LRGUK: variants seen among roughly 807,000 people sequenced by gnomAD.
LRGUK encodes the protein leucine-rich repeat and guanylate kinase domain-containing protein.
Under a neutral mutation model 76.0 loss-of-function variants are expected in LRGUK, and 65 were observed. The ratio of observed to expected loss-of-function variants is 0.85; its 90% CI spans 0.70 to 1.05. The LOEUF (loss-of-function observed/expected upper bound fraction) is 1.05, where lower values mean the gene tolerates loss of function less well. Ranked by LOEUF, LRGUK falls within the 50% of genes least tolerant of loss-of-function variation. The pLI is 0.00. For synonymous variants in LRGUK, 268 were observed against 265.6 expected, an observed-to-expected ratio of 1.01 and a Z score of -0.09; for missense variants, 758 against 732.8, an observed-to-expected ratio of 1.03 and a Z score of -0.40.
At chr7:134,224,922 C>T (rs372120265) in intron 16 of LRGUK, among the ~76,000 whole-genome samples, 13 of 151,604 alleles carry the variant, frequency 8.6e-5, no homozygotes, top group African/African-American at 2.7e-4. Context: ...TGTAGTGGCT[C>T]GCGCTTGTGG....
At chr7:134,188,895 G>T (rs139197510) in intron 11 of LRGUK, among the ~76,000 whole-genome samples, 1 of 152,190 alleles carries the variant, frequency 6.6e-6, no homozygotes, top group East Asian at 1.9e-4. Flanking sequence ...ATCTGCATGC[G>T]TCTGAATGAC....
intron 15 of LRGUK, among the ~76,000 whole-genome samples, chr7:134,203,734 G>GC (rs1800884694): frequency 6.6e-6 from 1 of 152,164 alleles, no homozygotes; most frequent in South Asian, 2.1e-4. Context: ...TAGATTGGGA[G>GC]CATGTCAGTG....
At chr7:134,218,440 A>G (rs1435947150) in intron 15 of LRGUK, among the ~76,000 whole-genome samples, 1 of 152,160 alleles carries the variant, frequency 6.6e-6, no homozygotes, top group Non-Finnish European at 1.5e-5. Flanking sequence ...AATCAGTCAT[A>G]TTTTTGGACA....
intron 15 of LRGUK, among the ~76,000 whole-genome samples, chr7:134,202,320 A>T (rs904841653): frequency 4.8e-5 from 5 of 104,940 alleles, no homozygotes; most frequent in African/African-American, 1.4e-4. Context: ...AACAAAATTA[A>T]AAAAAAAAAC....
At chr7:134,195,945 C>T (rs557535337) in intron 12 of LRGUK, among the ~76,000 whole-genome samples, 21 of 152,164 alleles carry the variant, frequency 1.4e-4, no homozygotes, top group African/African-American at 4.8e-4. Context: ...CAAAAGACAC[C>T]CTACGCCTTC....
chr7:134,252,662 A>G (rs1252995684), intron 18 of LRGUK, among the ~76,000 whole-genome samples: 1 of 152,196 alleles, frequency 6.6e-6, no homozygotes, highest in African/African-American at 2.4e-5. Flanking sequence ...GCAGGTGCCT[A>G]TGCCCAGCAG....
intron 16 of LRGUK, among the ~76,000 whole-genome samples, chr7:134,235,044 C>T (rs781641758): frequency 7.9e-5 from 12 of 152,210 alleles, no homozygotes; most frequent in Non-Finnish European, 1.6e-4. Flanking sequence ...ACCTAGATCA[C>T]GGCAGCCACC....
At chr7:134,137,381 A>G (rs578007284) in intron 2 of LRGUK, among the ~76,000 whole-genome samples, 191 of 152,296 alleles carry the variant, frequency 1.3e-3, no homozygotes, top group African/African-American at 4.5e-3. Context: ...TAAGTAGTCT[A>G]TATTATAGTA....
chr7:134,135,029 G>A (rs1585413104), intron 1 of LRGUK, among the ~76,000 whole-genome samples: 1 of 152,122 alleles, frequency 6.6e-6, no homozygotes, highest in East Asian at 1.9e-4. Flanking sequence ...GACAACAGGT[G>A]GATTAACAGG....
intron 18 of LRGUK, among the ~76,000 whole-genome samples, chr7:134,256,010 C>T (rs1425121960): frequency 3.9e-5 from 6 of 152,092 alleles, no homozygotes; most frequent in Non-Finnish European, 7.4e-5. Flanking sequence ...AAACAAGCCC[C>T]CTGTCGCCTG....
At chr7:134,231,887 T>TCTTCCTCCCTGCTTCCTTCC (rs1801908173) in intron 16 of LRGUK, among the ~76,000 whole-genome samples, 1 of 147,532 alleles carries the variant, frequency 6.8e-6, no homozygotes, top group Admixed American at 6.7e-5. Flanking sequence ...TTCCTTCCTC[T>TCTTCCTCCCTGCTTCCTTCC]CTTCCTCCCT....
intron 11 of LRGUK, among the ~76,000 whole-genome samples, chr7:134,187,254 A>G (rs1042773354): frequency 6.6e-6 from 1 of 151,966 alleles, no homozygotes; most frequent in African/African-American, 2.4e-5. Context: ...TTTCTTTTCT[A>G]TTATTCTTTA....
At chr7:134,136,131 GT>G in intron 1 of LRGUK, among the ~76,000 whole-genome samples, 1 of 152,244 alleles carries the variant, frequency 6.6e-6, no homozygotes, top group East Asian at 1.9e-4. Flanking sequence ...GATCACTTAT[GT>G]TTTGTGTTCT....
chr7:134,191,659 T>C, exon 12 of LRGUK: 2 of 1,606,802 alleles, frequency 1.2e-6, no homozygotes, highest in Non-Finnish European at 1.7e-6. Context: ...TTTCAGGGCC[T>C]GTCATACCAC....
intron 3 of LRGUK, among the ~76,000 whole-genome samples, chr7:134,139,884 A>C (rs935066424): frequency 7.9e-5 from 12 of 151,590 alleles, no homozygotes; most frequent in African/African-American, 2.7e-4. Context: ...TTTTTTCTTT[A>C]ACAGATTCTT....
At chr7:134,152,843 G>C (rs1003514119) in intron 5 of LRGUK, among the ~76,000 whole-genome samples, 1 of 151,998 alleles carries the variant, frequency 6.6e-6, no homozygotes, top group Non-Finnish European at 1.5e-5. Flanking sequence ...ATTCATAAGA[G>C]AAAGCATAAG....
At chr7:134,230,599 A>G (rs560003433) in intron 16 of LRGUK, among the ~76,000 whole-genome samples, 1 of 152,350 alleles carries the variant, frequency 6.6e-6, no homozygotes, top group Admixed American at 6.5e-5. Context: ...GTCCATCAGC[A>G]GTAGAACAGC....
intron 2 of LRGUK, among the ~76,000 whole-genome samples, chr7:134,137,414 G>T (rs1342831627): frequency 6.6e-6 from 1 of 152,036 alleles, no homozygotes; most frequent in East Asian, 1.9e-4. Flanking sequence ...TTTCCAGGAG[G>T]TTGAATTTGA....
chr7:134,184,231 C>T (rs983929286), intron 11 of LRGUK, among the ~76,000 whole-genome samples: 13 of 151,964 alleles, frequency 8.6e-5, no homozygotes, highest in African/African-American at 2.7e-4. Flanking sequence ...AATAGAAGAA[C>T]TTGCCATATA....
Sources: allele counts gnomAD v4.1 joint callset (sites outside exome capture counted in the v4.1 genomes callset), GRCh38; gene constraint gnomAD v4.1.1; transcripts MANE v1.5; gene names NCBI Gene and HGNC (gene_info 2026-07-23, HGNC 2026-07-21).